Variants in ANKS1B observed in about 807,000 individuals in gnomAD.
The protein encoded by ANKS1B is ankyrin repeat and sterile alpha motif domain-containing protein 1B.
Under a neutral mutation model 148.3 loss-of-function variants are expected in ANKS1B, and 36 were observed. The observed-to-expected ratio is 0.24, with a 90% CI of 0.19 to 0.32. The LOEUF (loss-of-function observed/expected upper bound fraction) is 0.32, where lower values mean the gene tolerates loss of function less well. Among genes scored for constraint, ANKS1B ranks in the 10% least tolerant of loss-of-function variants. ANKS1B has a pLI of 1.00. For synonymous variants in ANKS1B, 542 were observed against 560.8 expected (o/e 0.97, Z 0.47); for missense variants, 1,157 against 1,542.6 (o/e 0.75, Z 4.19).
chr12:99,701,322 T>C (rs150975687), intron 8 of ANKS1B, among the ~76,000 whole-genome samples: 119 of 152,258 alleles, frequency 7.8e-4, no homozygotes, highest in African/African-American at 2.7e-3. Flanking sequence ...AACAATAGTA[T>C]ATAGATGAGC....
intron 9 of ANKS1B, among the ~76,000 whole-genome samples, chr12:99,618,198 C>T (rs77184716): frequency 2.6e-5 from 4 of 152,178 alleles, no homozygotes; most frequent in East Asian, 3.9e-4. Flanking sequence ...ACAGTCTAGT[C>T]TGTCATCCAT....
intron 1 of ANKS1B, 25 bp downstream of exon 1, chr12:99,984,079 C>A: frequency 6.2e-7 from 1 of 1,600,258 alleles, no homozygotes; most frequent in African/African-American, 1.3e-5. Context: ...GGTGTGCCAA[C>A]CCCGGAGCTG....
chr12:99,745,668 C>T (rs1439434758), intron 8 of ANKS1B, among the ~76,000 whole-genome samples: 2 of 151,936 alleles, frequency 1.3e-5, no homozygotes, highest in Admixed American at 6.6e-5. Context: ...TATAAACAAA[C>T]AGTAAAATTA....
At chr12:99,968,345 C>A (rs1171092464) in intron 1 of ANKS1B, among the ~76,000 whole-genome samples, 1 of 152,042 alleles carries the variant, frequency 6.6e-6, no homozygotes, top group African/African-American at 2.4e-5. Flanking sequence ...ATCACGAGGT[C>A]AGGAAATCGA....
intron 14 of ANKS1B, among the ~76,000 whole-genome samples, chr12:99,198,513 G>T (rs2081660274): frequency 6.6e-6 from 1 of 152,110 alleles, no homozygotes; most frequent in Non-Finnish European, 1.5e-5. Context: ...AGGATAGCAG[G>T]TACATTTTTA....
chr12:99,096,435 A>G (rs2056149338), intron 15 of ANKS1B, among the ~76,000 whole-genome samples: 1 of 152,042 alleles, frequency 6.6e-6, no homozygotes, highest in African/African-American at 2.4e-5. Flanking sequence ...AAATTCGGTG[A>G]TGGGAAAACT....
chr12:99,547,747 C>T (rs11109914), intron 9 of ANKS1B, among the ~76,000 whole-genome samples: 30,036 of 152,072 alleles, frequency 0.2, 3,065 homozygotes, highest in East Asian at 0.24. Context: ...GAAACACTCC[C>T]ATGTCTTGGG....
chr12:99,933,679 C>T (rs1449888106), intron 1 of ANKS1B, among the ~76,000 whole-genome samples: 3 of 152,084 alleles, frequency 2.0e-5, no homozygotes, highest in African/African-American at 7.2e-5. Flanking sequence ...ACTATATCAT[C>T]TGCAAACAAG....
In ANKS1B at chr12:99,966,300, A is replaced by G. The variant is rs1159372503; in HGVS notation, c.134+17804T>C. On this transcript the variant is annotated intron_variant, in intron 1 of 26. Coordinates refer to ENST00000683438, the MANE Select transcript of ANKS1B (RefSeq NM_001352186.2). ...CAAACTAAAGTATTCTGGGGTGATT[A>G]GGTTGACAACTTACTTGCAAATGGT... 2.6e-5 allele frequency among the ~76,000 whole-genome samples: 4 copies of G among 152,324 alleles called. No individual in the cohort carries two copies. The East Asian group carries it at 7.7e-4, about 29-fold the overall frequency.
chr12:99,516,684 G>A (rs899891690), intron 9 of ANKS1B, among the ~76,000 whole-genome samples: 3 of 151,814 alleles, frequency 2.0e-5, no homozygotes, highest in Non-Finnish European at 4.4e-5. Flanking sequence ...AAACCACCAT[G>A]GCACATATTT....
chr12:99,036,816 C>T (rs942462734), intron 17 of ANKS1B, among the ~76,000 whole-genome samples: 2 of 152,176 alleles, frequency 1.3e-5, no homozygotes, highest in Non-Finnish European at 2.9e-5. Context: ...AAAAAGATTA[C>T]ATGTTACATG....
intron 8 of ANKS1B, among the ~76,000 whole-genome samples, chr12:99,731,413 C>CCT (rs1237223581): frequency 0.014 from 2,021 of 143,808 alleles, 44 homozygotes; most frequent in South Asian, 0.05. Flanking sequence ...ACCACCGTGC[C>CCT]GTGTGTGTGT....
At chr12:99,309,228 T>C (rs1037397359) in intron 12 of ANKS1B, among the ~76,000 whole-genome samples, 3 of 151,980 alleles carry the variant, frequency 2.0e-5, no homozygotes, top group African/African-American at 4.8e-5. Context: ...AGAGCAGTTA[T>C]GTTTTAGATA....
At chr12:98,875,983 G>T (rs2152447546) in intron 17 of ANKS1B, among the ~76,000 whole-genome samples, 1 of 152,264 alleles carries the variant, frequency 6.6e-6, no homozygotes, top group Middle Eastern at 3.4e-3. Flanking sequence ...CCATAGTTTA[G>T]ATCAGACCCT....
intron 15 of ANKS1B, among the ~76,000 whole-genome samples, chr12:99,098,963 C>T (rs532015095): frequency 2.0e-5 from 3 of 152,138 alleles, no homozygotes; most frequent in South Asian, 4.1e-4. Context: ...ACGGAGCATG[C>T]GCTGGGCTTG....
At chr12:98,891,052 T>G (rs1373115207) in intron 17 of ANKS1B, among the ~76,000 whole-genome samples, 1 of 152,208 alleles carries the variant, frequency 6.6e-6, no homozygotes, top group East Asian at 1.9e-4. Flanking sequence ...TAGTTTCAGT[T>G]TAGTACATTA....
In ANKS1B at chr12:99,834,020, T is replaced by C. The variant is rs188982286; in HGVS notation, c.135-8631A>G. Among the ~76,000 whole-genome samples the C allele has an allele frequency of 2.2e-4, 34 of 152,268 alleles. No individual in the cohort carries two copies. The East Asian group carries it at 4.0e-3, about 18-fold the overall frequency. On this transcript the variant is annotated intron_variant, in intron 1 of 26. Coordinates refer to ENST00000683438, the MANE Select transcript of ANKS1B (RefSeq NM_001352186.2). ...CTCTAGGCACATATCCACATATCCA[T>C]AGAACATCCACCGACACATCTGAAA...
intron 26 of ANKS1B, among the ~76,000 whole-genome samples, chr12:98,747,315 C>T (rs777251957): frequency 3.3e-5 from 5 of 152,154 alleles, no homozygotes; most frequent in South Asian, 2.1e-4. Context: ...TCTAAAAAGA[C>T]GACATACAAA....
chr12:99,357,017 G>A (rs2092053944), intron 12 of ANKS1B, among the ~76,000 whole-genome samples: 1 of 151,650 alleles, frequency 6.6e-6, no homozygotes, highest in African/African-American at 2.4e-5. Flanking sequence ...TAATTGTTAG[G>A]TGTACAGTGA....
Sources: allele counts gnomAD v4.1 joint callset (sites outside exome capture counted in the v4.1 genomes callset), GRCh38; gene constraint gnomAD v4.1.1; transcripts MANE v1.5; gene names NCBI Gene and HGNC (gene_info 2026-07-23, HGNC 2026-07-21).